PDE8B: variants seen among roughly 807,000 people sequenced by gnomAD.
PDE8B encodes high affinity cAMP-specific and IBMX-insensitive 3',5'-cyclic phosphodiesterase 8B.
PDE8B carries 26 observed loss-of-function variants against 101.3 expected under a neutral mutation model. The ratio of observed to expected loss-of-function variants is 0.26; its 90% CI spans 0.19 to 0.36. The LOEUF (loss-of-function observed/expected upper bound fraction) is 0.36, where lower values mean the gene tolerates loss of function less well. Among genes scored for constraint, PDE8B ranks in the 10% least tolerant of loss-of-function variants. The pLI is 1.00. For missense variants in PDE8B, 810 were observed against 1,163.1 expected, an observed-to-expected ratio of 0.70 and a Z score of 4.42; for synonymous variants, 424 against 429.3, an observed-to-expected ratio of 0.99 and a Z score of 0.15.
intron 10 of PDE8B, among the ~76,000 whole-genome samples, chr5:77,371,974 G>A (rs1785151859): frequency 6.6e-6 from 1 of 152,154 alleles, no homozygotes; most frequent in African/African-American, 2.4e-5. Context: ...GCCGAGGTTG[G>A]CATATCACTT....
chr5:77,244,815 C>G (rs1561405438), intron 1 of PDE8B, among the ~76,000 whole-genome samples: 2 of 152,102 alleles, frequency 1.3e-5, no homozygotes, highest in African/African-American at 4.8e-5. Flanking sequence ...GACTGGCTGG[C>G]TCCAGGGGCC....
At chr5:77,272,423 T>C (rs573652202) in intron 1 of PDE8B, among the ~76,000 whole-genome samples, 1 of 152,342 alleles carries the variant, frequency 6.6e-6, no homozygotes, top group African/African-American at 2.4e-5. Context: ...GGATTTGTGG[T>C]GCCTCGAACA....
chr5:77,404,761 A>G lies in PDE8B; in HGVS notation c.1252A>G (p.Ile418Val). 1 of 1,608,150 alleles carries G rather than the reference A, an allele frequency of 6.2e-7. No homozygotes were observed. Among genetic ancestry groups the G allele is most frequent in the Non-Finnish European group, 8.5e-7 (1 of 1,174,614 alleles). Reference protein sequence around the residue: ...FRYKNRRKESIDVKSISSRGS... With the variant: ...FRYKNRRKESVDVKSISSRGS... ...ATATAAGAACAGGAGGAAAGAGTCC[A>G]TTGACGTGAAATCGATATCATCTCG... Residue 418 changes from isoleucine (I) to valine (V), a missense_variant, in exon 12 of 22, where the codon ATT (isoleucine) becomes GTT (valine). Transcript: ENST00000264917.
the PDE8B span, among the ~76,000 whole-genome samples, chr5:77,090,882 C>A: frequency 6.6e-6 from 1 of 152,154 alleles, no homozygotes; most frequent in African/African-American, 2.4e-5. Context: ...CATGGGACTG[C>A]AGATACTTCT....
rs79074262 is a variant in PDE8B, at chr5:77,389,604, G to A, written c.1168-10644G>A. 9.9e-3 allele frequency among the ~76,000 whole-genome samples: 1,513 copies of A among 152,128 alleles called. 10 individuals carry two copies. The highest frequency in any genetic ancestry group is 0.016 in the Non-Finnish European group (1,084 of 67,990). ...CCCCATCACGATATTAAACCTTGCC[G>A]TCCCAAAAGTCCCTTCATGCCCCTT... On this transcript the variant is annotated intron_variant, in intron 10 of 21. Coordinates refer to ENST00000264917, the MANE Select transcript of PDE8B (RefSeq NM_003719.5).
intron 1 of PDE8B, among the ~76,000 whole-genome samples, chr5:77,214,374 C>T (rs1479913971): frequency 6.6e-6 from 1 of 152,228 alleles, no homozygotes; most frequent in Non-Finnish European, 1.5e-5. Context: ...GCATCACCAG[C>T]TCCCCGTTTT....
the PDE8B span, among the ~76,000 whole-genome samples, chr5:77,192,953 A>G: frequency 5.9e-5 from 9 of 152,204 alleles, no homozygotes; most frequent in Middle Eastern, 0.014. Flanking sequence ...TCTTTTTTAT[A>G]TGATTACTGA....
chr5:77,311,910 T>C, intron 1 of PDE8B, 84 bp from the exon 2 acceptor site: 1 of 1,061,182 alleles, frequency 9.4e-7, no homozygotes, highest in South Asian at 1.3e-5. Context: ...CACGGTGGCA[T>C]AATGCAATGC....
chr5:77,331,486 C>T (rs1275512667), intron 5 of PDE8B, 27 bp downstream of exon 5: 1 of 1,575,424 alleles, frequency 6.3e-7, no homozygotes, highest in Admixed American at 1.7e-5. Context: ...CAGCATCTCT[C>T]TCAGTTGCAG....
chr5:77,146,737 G>A, the PDE8B span: 2 of 315,808 alleles, frequency 6.3e-6, no homozygotes, highest in South Asian at 7.1e-5. Context: ...AAAGAGAAAG[G>A]GAAATTTGAA....
At chr5:77,286,822 G>A (rs2149896307) in intron 1 of PDE8B, among the ~76,000 whole-genome samples, 1 of 151,932 alleles carries the variant, frequency 6.6e-6, no homozygotes, top group South Asian at 2.1e-4. Flanking sequence ...TCCCCTTTTA[G>A]CTTATTAGTT....
At chr5:77,367,258 C>T (rs1784313523) in intron 10 of PDE8B, among the ~76,000 whole-genome samples, 1 of 152,154 alleles carries the variant, frequency 6.6e-6, no homozygotes, top group African/African-American at 2.4e-5. Context: ...GTTACTCCTT[C>T]ACAGCTGCTG....
intron 10 of PDE8B, among the ~76,000 whole-genome samples, chr5:77,360,840 C>T (rs1782969603): frequency 6.6e-6 from 1 of 152,174 alleles, no homozygotes; most frequent in African/African-American, 2.4e-5. Context: ...ACCACCACTT[C>T]CTTTAAGCCA....
intron 18 of PDE8B, among the ~76,000 whole-genome samples, chr5:77,419,203 A>C (rs1796149301): frequency 1.3e-5 from 2 of 152,252 alleles, no homozygotes; most frequent in South Asian, 4.1e-4. Flanking sequence ...TTCAAGAGCC[A>C]TTCTGGCTCT....
intron 5 of PDE8B, among the ~76,000 whole-genome samples, chr5:77,332,616 T>C (rs2150302646): frequency 6.6e-6 from 1 of 152,252 alleles, no homozygotes; most frequent in Non-Finnish European, 1.5e-5. Context: ...GGCAGGCAGA[T>C]CACCTGAGGT....
At chr5:77,089,046 A>G in the PDE8B span, among the ~76,000 whole-genome samples, 1 of 152,178 alleles carries the variant, frequency 6.6e-6, no homozygotes, top group Non-Finnish European at 1.5e-5. Flanking sequence ...GGGTATCTTC[A>G]AAGGCAGAGG....
intron 14 of PDE8B, among the ~76,000 whole-genome samples, chr5:77,411,474 C>T (rs771422964): frequency 1.3e-5 from 2 of 152,182 alleles, no homozygotes; most frequent in Non-Finnish European, 2.9e-5. Flanking sequence ...CAGTTCTCCA[C>T]GTTCTGGGGC....
chr5:77,183,172 T>C, the PDE8B span, among the ~76,000 whole-genome samples: 4 of 152,020 alleles, frequency 2.6e-5, no homozygotes, highest in South Asian at 8.3e-4. Flanking sequence ...CAGGCTGTAG[T>C]ACAGTGGTTT....
chr5:77,333,234 A>G (rs563568772), intron 5 of PDE8B, among the ~76,000 whole-genome samples: 26 of 152,310 alleles, frequency 1.7e-4, no homozygotes, highest in African/African-American at 6.3e-4. Flanking sequence ...TCTGAAAGCT[A>G]TTCTTAGGTG....
Sources: allele counts gnomAD v4.1 joint callset (sites outside exome capture counted in the v4.1 genomes callset), GRCh38; gene constraint gnomAD v4.1.1; transcripts MANE v1.5; gene names NCBI Gene and HGNC (gene_info 2026-07-23, HGNC 2026-07-21).